Variants in PAQR5 observed in about 807,000 individuals in gnomAD.
PAQR5 encodes progestin and adipoQ receptor family member 5.
In PAQR5, 20 loss-of-function variants were observed where a neutral mutation model predicts 34.5. That is an observed-to-expected ratio of 0.58 (90% confidence interval 0.41 to 0.84). The LOEUF (loss-of-function observed/expected upper bound fraction) is 0.84. PAQR5 is among the 40% of genes least tolerant of loss of function. The pLI is 0.00. For missense variants in PAQR5, 378 were observed against 412.7 expected (o/e 0.92, Z 0.73); for synonymous variants, 131 against 155.6 (o/e 0.84, Z 1.18).
At chr15:69,323,972 C>A (rs994149216) in intron 1 of PAQR5, among the ~76,000 whole-genome samples, 7 of 152,102 alleles carry the variant, frequency 4.6e-5, no homozygotes, top group African/African-American at 1.7e-4. Context: ...TACAGTTTTG[C>A]ATGGATGTGG....
chr15:69,340,661 CG>C (rs2054617811), intron 2 of PAQR5, among the ~76,000 whole-genome samples: 1 of 152,118 alleles, frequency 6.6e-6, no homozygotes. Flanking sequence ...ATTGGCATGG[CG>C]GGGTGAGCTT....
intron 2 of PAQR5, among the ~76,000 whole-genome samples, chr15:69,348,121 C>T (rs760697874): frequency 3.9e-5 from 6 of 152,120 alleles, no homozygotes. Context: ...AACCAAAGGC[C>T]GCCTACTGGC....
intron 3 of PAQR5, among the ~76,000 whole-genome samples, chr15:69,362,292 G>A (rs756009429): frequency 1.3e-4 from 20 of 152,154 alleles, no homozygotes; most frequent in South Asian, 2.1e-4. Flanking sequence ...TGCAGCCACC[G>A]TTTGCTTCAA....
chr15:69,361,329 G>A (rs946534460), intron 3 of PAQR5, among the ~76,000 whole-genome samples: 1 of 152,184 alleles, frequency 6.6e-6, no homozygotes, highest in South Asian at 2.1e-4. Context: ...CTGTCCTTGC[G>A]TGACTCATAT....
chr15:69,361,661 A>G (rs1454474631), intron 3 of PAQR5, among the ~76,000 whole-genome samples: 1 of 152,206 alleles, frequency 6.6e-6, no homozygotes, highest in East Asian at 1.9e-4. Context: ...CACTTATGAA[A>G]CCATCAGGTC....
chr15:69,322,207 GT>G (rs1386421633), intron 1 of PAQR5, among the ~76,000 whole-genome samples: 3 of 149,344 alleles, frequency 2.0e-5, no homozygotes, highest in Non-Finnish European at 4.4e-5. Context: ...GCCGGGTGCA[GT>G]GGCTCATGTC....
chr15:69,317,659 G>T (rs746805444), intron 1 of PAQR5, among the ~76,000 whole-genome samples: 1 of 152,188 alleles, frequency 6.6e-6, no homozygotes, highest in Admixed American at 6.5e-5. Flanking sequence ...TGCTAGAAAA[G>T]CTTCCCACAA....
At chr15:69,388,721 G>A (rs1335682845) in intron 5 of PAQR5, among the ~76,000 whole-genome samples, 2 of 152,228 alleles carry the variant, frequency 1.3e-5, no homozygotes, top group Admixed American at 6.5e-5. Flanking sequence ...TGTGTGGCCA[G>A]CTTTGCTAGA....
chr15:69,368,121 T>C (rs2140877854), intron 3 of PAQR5, among the ~76,000 whole-genome samples: 1 of 152,254 alleles, frequency 6.6e-6, no homozygotes, highest in Non-Finnish European at 1.5e-5. Flanking sequence ...TGGCACTATC[T>C]TGGCTCACTG....
intron 1 of PAQR5, among the ~76,000 whole-genome samples, chr15:69,300,327 A>G (rs1040466126): frequency 6.6e-6 from 1 of 152,138 alleles, no homozygotes; most frequent in Non-Finnish European, 1.5e-5. Context: ...TCCCTGCCGT[A>G]GCAATAGTAC....
rs2054910479 is a variant in PAQR5 at position 69,351,253 on chromosome 15, T to C, written c.-115-8713T>C. On this transcript the variant is annotated intron_variant, in intron 2 of 8. Transcript: ENST00000395407. ...AGAGATTAGTGCTGCTATCAAGGACTTGAAGACACAGGGGTGGAGATTCCT... is the reference window on the plus strand; with the variant it reads ...AGAGATTAGTGCTGCTATCAAGGACCTGAAGACACAGGGGTGGAGATTCCT... Among the ~76,000 whole-genome samples, 2 of 152,260 alleles carry C rather than the reference T, an allele frequency of 1.3e-5. 1 individual carries two copies. The highest frequency in any genetic ancestry group is 4.1e-4 in the South Asian group (2 of 4,836).
Position 69,381,024 on chromosome 15 carries a change from C to T in PAQR5, c.179+1014C>T, listed in dbSNP as rs190701867. Among the ~76,000 whole-genome samples, 425 of 152,240 alleles carry T rather than the reference C, an allele frequency of 2.8e-3. 2 individuals carry two copies. The highest frequency in any genetic ancestry group is 7.9e-3 in the African/African-American group (327 of 41,530). On this transcript the variant is annotated intron_variant, in intron 4 of 8. Transcript: ENST00000395407. ...GGCTGTTTGGTTCCAGCAGCCAGCT[C>T]AGTGGAGAGGGGAGAGAGCTCAGTC...
chr15:69,369,538 G>GT (rs1174433047), intron 3 of PAQR5, among the ~76,000 whole-genome samples: 1 of 146,372 alleles, frequency 6.8e-6, no homozygotes, highest in Non-Finnish European at 1.5e-5. Flanking sequence ...CCTGCCTCAA[G>GT]TTAAAAAAAA....
intron 1 of PAQR5, among the ~76,000 whole-genome samples, chr15:69,313,262 G>A (rs2053870059): frequency 6.6e-6 from 1 of 152,310 alleles, no homozygotes; most frequent in East Asian, 1.9e-4. Context: ...ACTTTCAGAG[G>A]CCAAGGAGGG....
intron 7 of PAQR5, among the ~76,000 whole-genome samples, chr15:69,399,247 A>T (rs1184415155): frequency 1.3e-5 from 2 of 152,212 alleles, no homozygotes; most frequent in Non-Finnish European, 2.9e-5. Flanking sequence ...GTGTGAATCC[A>T]CTAAACAGTT....
chr15:69,360,060 C>A lies in PAQR5; in HGVS notation c.-21C>A. 6.2e-7 allele frequency: 1 copy of A among 1,611,218 alleles called. No individual in the cohort carries two copies. Among genetic ancestry groups the A allele is most frequent in the Non-Finnish European group, 8.5e-7 (1 of 1,177,548 alleles). The stretch of plus-strand genomic sequence containing the variant: ...ACAGGGAGGCGCTGTCACCTACTGG[C>A]CTTGCCAATCCAGCTCCAAGATGCT... On this transcript the variant is annotated 5_prime_UTR_variant, in exon 3 of 9. Transcript: ENST00000395407.
At chr15:69,379,651 G>A in intron 3 of PAQR5, 1 of 942,134 alleles carries the variant, frequency 1.1e-6, no homozygotes, top group African/African-American at 1.8e-5. Context: ...GATTCCCAAA[G>A]GGAGCCTGGC....
rs760679672 is a variant in PAQR5, at chr15:69,311,038, C to CAAAAAAA, written c.-277+11988_-277+11989insAAAAAAA. Among the ~76,000 whole-genome samples, 51 of 36,144 alleles carry CAAAAAAA rather than the reference C, an allele frequency of 1.4e-3. 2 individuals are homozygous for CAAAAAAA. The highest frequency in any genetic ancestry group is 1.6e-3 in the Non-Finnish European group (29 of 17,996). The allele number at this position is 36,144 out of a possible 152,430, so 23.7% of individuals were successfully genotyped here. The stretch of plus-strand genomic sequence containing the variant: ...TGGGCAACAGAGCAAGACTCCGTCG[C>CAAAAAAA]AAAAAATAAAAAAAAAAAAAAAAAA... On this transcript the variant is annotated intron_variant, in intron 1 of 8. Transcript: ENST00000395407.
chr15:69,358,633 A>ATTTTTTTTTTTTTTTTTTTTTTT (rs71149910), intron 2 of PAQR5, among the ~76,000 whole-genome samples: 1 of 84,466 alleles, frequency 1.2e-5, no homozygotes, highest in African/African-American at 4.8e-5. Context: ...GCTCTGTGGC[A>ATTTTTTTTTTTTTTTTTTTTTTT]TTTTTTTTTT....
Sources: gnomAD v4.1 joint callset for allele counts (sites outside exome capture counted in the v4.1 genomes callset) on GRCh38, gnomAD v4.1.1 for gene constraint, MANE v1.5 for transcripts, NCBI Gene and HGNC (gene_info 2026-07-23, HGNC 2026-07-21) for gene names.